Variants in PARP4 observed in about 807,000 individuals in gnomAD.
The protein encoded by PARP4 is poly(ADP-ribose) polymerase family member 4.
PARP4 carries 120 observed loss-of-function variants against 187.7 expected under a neutral mutation model. That is an observed-to-expected ratio of 0.64 (90% CI 0.55 to 0.74). PARP4 has a LOEUF of 0.74. Ranked by LOEUF, PARP4 falls within the 30% of genes least tolerant of loss-of-function variation. The probability of loss-of-function intolerance (pLI) is 0.00; values close to 1 mark genes in which losing one functional copy is unlikely to be tolerated. For synonymous variants in PARP4, 654 were observed against 740.9 expected, an observed-to-expected ratio of 0.88 and a Z score of 1.90; for missense variants, 1,836 against 2,070.5, an observed-to-expected ratio of 0.89 and a Z score of 2.20.
At chr13:24,430,759 G>A (rs1870295525) in intron 32 of PARP4, among the ~76,000 whole-genome samples, 1 of 152,062 alleles carries the variant, frequency 6.6e-6, no homozygotes, top group Non-Finnish European at 1.5e-5. Flanking sequence ...TCCCCTTGTT[G>A]TCATGATAGG....
chr13:24,463,088 C>A (rs1000585044), intron 17 of PARP4, among the ~76,000 whole-genome samples: 2 of 152,048 alleles, frequency 1.3e-5, no homozygotes, highest in Non-Finnish European at 1.5e-5. Context: ...ACATCATAGT[C>A]AAACCACTGA....
intron 17 of PARP4, among the ~76,000 whole-genome samples, chr13:24,466,136 CCATATTTAACA>C (rs1336166845): frequency 2.0e-5 from 3 of 152,144 alleles, no homozygotes; most frequent in Non-Finnish European, 4.4e-5. Context: ...TTAGTGGCTA[CCATATTTAACA>C]CATATTTAAC....
chr13:24,503,951 G>A (rs1869458772), intron 1 of PARP4, among the ~76,000 whole-genome samples, 174 bp from the exon 2 acceptor site: 1 of 152,184 alleles, frequency 6.6e-6, no homozygotes, highest in Non-Finnish European at 1.5e-5. Context: ...TGCAATATGT[G>A]TGTTGGTTTA....
intron 31 of PARP4, 39 bp downstream of exon 31, chr13:24,434,356 C>T: frequency 1.3e-6 from 2 of 1,511,258 alleles, no homozygotes; most frequent in South Asian, 1.4e-5. Flanking sequence ...AACTATGAAG[C>T]CAGCCAACCA....
At chr13:24,501,901 CT>C in intron 2 of PARP4, 67 bp from the exon 3 acceptor site, 2 of 973,276 alleles carry the variant, frequency 2.1e-6, no homozygotes, top group Non-Finnish European at 3.2e-6. Context: ...ATATTTGTAT[CT>C]GTAATTTTCA....
intron 33 of PARP4, among the ~76,000 whole-genome samples, chr13:24,425,565 GTGTGTATATC>G (rs1173882232): frequency 8.0e-4 from 106 of 132,964 alleles, no homozygotes; most frequent in Non-Finnish European, 1.0e-3. Context: ...GTGTGTGTGT[GTGTGTATATC>G]TATATCTATA....
At chr13:24,424,575 GTAT>G (rs1470238172) in intron 33 of PARP4, among the ~76,000 whole-genome samples, 2 of 151,472 alleles carry the variant, frequency 1.3e-5, no homozygotes, top group South Asian at 2.1e-4. Flanking sequence ...CAAATCAAAA[GTAT>G]TATTAACACC....
At chr13:24,487,246 A>C (rs1349101003) in intron 10 of PARP4, among the ~76,000 whole-genome samples, 2 of 143,080 alleles carry the variant, frequency 1.4e-5, no homozygotes, top group Non-Finnish European at 3.1e-5. Context: ...GCCACAGAGC[A>C]AGGCTCCGTC....
intron 23 of PARP4, among the ~76,000 whole-genome samples, chr13:24,453,143 C>T (rs1490265660): frequency 6.6e-6 from 1 of 152,130 alleles, no homozygotes; most frequent in African/African-American, 2.4e-5. Flanking sequence ...ACCATGTTGG[C>T]CAGGTTGGTC....
At chr13:24,432,421 T>C (rs1156868738) in intron 31 of PARP4, among the ~76,000 whole-genome samples, 2 of 152,164 alleles carry the variant, frequency 1.3e-5, no homozygotes, top group African/African-American at 4.8e-5. Flanking sequence ...ATTTAACGTA[T>C]ACAACTTGAT....
At chr13:24,434,005 G>C (rs1870475271) in intron 31 of PARP4, among the ~76,000 whole-genome samples, 1 of 152,190 alleles carries the variant, frequency 6.6e-6, no homozygotes, top group African/African-American at 2.4e-5. Context: ...ACAGGTACAA[G>C]TGCTTGTGCT....
chr13:24,441,206 G>A (rs1207502223), intron 30 of PARP4, among the ~76,000 whole-genome samples: 3 of 152,180 alleles, frequency 2.0e-5, no homozygotes, highest in African/African-American at 4.8e-5. Context: ...GTCTCGCTTT[G>A]TTGCCCAGGC....
At chr13:24,442,427 T>C (rs1870983542) in intron 29 of PARP4, among the ~76,000 whole-genome samples, 163 bp downstream of exon 29, 1 of 152,292 alleles carries the variant, frequency 6.6e-6, no homozygotes, top group African/African-American at 2.4e-5. Context: ...AAGCCCCCCA[T>C]GAATGGGAGG....
rs906064520 is a variant in PARP4, at chr13:24,488,545, G to C, written c.1214+2123C>G. On this transcript the variant is annotated intron_variant, in intron 10 of 33. Transcript: ENST00000381989. ...ATTTTTGTATTTTTAGTTGAGACAG[G>C]GTTTCACCATGTTGCCCAGGCTGGT... 7.0e-4 allele frequency among the ~76,000 whole-genome samples: 106 copies of C among 151,792 alleles called. 1 individual carries two copies. Among genetic ancestry groups the C allele is most frequent in the Non-Finnish European group, 1.2e-4 (8 of 67,960 alleles).
At chr13:24,509,830 G>C (rs751121470) in intron 1 of PARP4, among the ~76,000 whole-genome samples, 3 of 151,942 alleles carry the variant, frequency 2.0e-5, no homozygotes, top group Non-Finnish European at 4.4e-5. Flanking sequence ...CCTCCAAGTA[G>C]CTGGGACTAC....
rs139240421 is a variant in PARP4, at chr13:24,497,895, C to T, written c.591+221G>A. ...TAAGCCAAAGAGAGAGGCCTCACTT[C>T]AGAAGAAATCAACCCTGCTGTACTT... is the stretch of plus-strand genomic sequence containing the variant. On this transcript the variant is annotated intron_variant, in intron 6 of 33. Transcript: ENST00000381989. 7.4e-4 allele frequency among the ~76,000 whole-genome samples: 113 copies of T among 152,326 alleles called. 2 individuals carry two copies. The highest frequency in any genetic ancestry group is 3.4e-3 in the Middle Eastern group (1 of 294).
intron 27 of PARP4, among the ~76,000 whole-genome samples, chr13:24,446,156 T>G (rs1871197105): frequency 6.6e-6 from 1 of 152,222 alleles, no homozygotes; most frequent in Non-Finnish European, 1.5e-5. Flanking sequence ...GGCATGTACC[T>G]TTATTGAGTT....
Position 24,435,158 on chromosome 13 carries a change from G to T in PARP4, c.3983C>A (p.Pro1328His). Residue 1328 changes from proline (P) to histidine (H), a missense_variant, in exon 31 of 34, where the codon CCC becomes CAC. By Grantham distance (77) the Pro-to-His change is moderately conservative. Around this residue, in one of 8 missense-constraint regions of PARP4, gnomAD observed 450 missense variants for 439.2 expected, o/e 1.02. Transcript: ENST00000381989. ...ILAPAVGSYL[P>H]PTARAHSPAS... ...AGGACTGTGAGCGCGGGCAGTCGGG[G>T]GAAGATAGGAACCAACGGCCGGAGC... The T allele has an allele frequency of 1.2e-6, 2 of 1,614,182 alleles. No homozygotes were observed. Among genetic ancestry groups the T allele is most frequent in the Non-Finnish European group, 1.7e-6 (2 of 1,180,014 alleles).
At chr13:24,476,515 G>A (rs1160481220) in intron 14 of PARP4, among the ~76,000 whole-genome samples, 1 of 152,078 alleles carries the variant, frequency 6.6e-6, no homozygotes, top group Non-Finnish European at 1.5e-5. Context: ...AAGGAAGACT[G>A]AATCAACTCC....
Sources: allele counts gnomAD v4.1 joint callset (sites outside exome capture counted in the v4.1 genomes callset), GRCh38; gene constraint gnomAD v4.1.1; regional missense constraint gnomAD v4.1.1; transcripts MANE v1.5; gene names NCBI Gene and HGNC (gene_info 2026-07-23, HGNC 2026-07-21).